SLC35F4: variants seen among roughly 807,000 people sequenced by gnomAD.
SLC35F4 encodes chromosome 14 open reading frame 36.
SLC35F4 carries 24 observed loss-of-function variants against 44.2 expected under a neutral mutation model. The observed-to-expected ratio is 0.54, with a 90% CI of 0.39 to 0.76. The LOEUF (loss-of-function observed/expected upper bound fraction) is 0.76, where lower values mean the gene tolerates loss of function less well. Among genes scored for constraint, SLC35F4 ranks in the 30% least tolerant of loss-of-function variants. The pLI, the probability that SLC35F4 is intolerant of heterozygous loss-of-function variation, is 0.00. For missense variants in SLC35F4, 562 were observed against 586.1 expected (o/e 0.96, Z 0.42); for synonymous variants, 238 against 223.6 (o/e 1.06, Z -0.57).
At chr14:57,682,001 G>T (rs938711694) in intron 1 of SLC35F4, among the ~76,000 whole-genome samples, 1 of 152,328 alleles carries the variant, frequency 6.6e-6, no homozygotes, top group African/African-American at 2.4e-5. Context: ...AACAACAGAT[G>T]CTGGTGAGGA....
intron 1 of SLC35F4, among the ~76,000 whole-genome samples, chr14:57,928,863 A>C (rs991968613): frequency 6.6e-6 from 1 of 152,248 alleles, no homozygotes; most frequent in Non-Finnish European, 1.5e-5. Flanking sequence ...GAAGAAGAAG[A>C]ACCAAATGGA....
At chr14:57,887,544 T>C (rs28461784) in intron 1 of SLC35F4, among the ~76,000 whole-genome samples, 5,757 of 152,224 alleles carry the variant, frequency 0.038, 390 homozygotes, top group African/African-American at 0.13. Context: ...CAACCTTCCT[T>C]TGAGTGACGA....
At chr14:57,738,283 G>C (rs2076514904) in intron 1 of SLC35F4, among the ~76,000 whole-genome samples, 1 of 152,166 alleles carries the variant, frequency 6.6e-6, no homozygotes, top group African/African-American at 2.4e-5. Context: ...CAGACAGAAA[G>C]CAAAATGGCC....
intron 1 of SLC35F4, among the ~76,000 whole-genome samples, chr14:57,952,702 A>G (rs1482065361): frequency 6.6e-6 from 1 of 151,952 alleles, no homozygotes; most frequent in Non-Finnish European, 1.5e-5. Context: ...TTGAAGATCA[A>G]CTTAATGAAA....
chr14:57,921,291 G>C (rs1342240453), intron 1 of SLC35F4, among the ~76,000 whole-genome samples: 1 of 152,200 alleles, frequency 6.6e-6, no homozygotes, highest in African/African-American at 2.4e-5. Context: ...AGGCAGGAAA[G>C]GGCAGGGCAG....
chr14:57,565,791 T>G (rs1278471711), intron 7 of SLC35F4, among the ~76,000 whole-genome samples: 2 of 152,226 alleles, frequency 1.3e-5, no homozygotes, highest in South Asian at 2.1e-4. Context: ...TTTTCTTTTT[T>G]GCTGCCCTGA....
intron 1 of SLC35F4, among the ~76,000 whole-genome samples, chr14:57,918,866 G>C (rs146772726): frequency 7.0e-4 from 106 of 152,292 alleles, no homozygotes; most frequent in African/African-American, 2.4e-3. Flanking sequence ...GGTTAAGTAA[G>C]TTAACACCAT....
chr14:57,806,520 A>C (rs1804726305), intron 1 of SLC35F4, among the ~76,000 whole-genome samples: 3 of 152,146 alleles, frequency 2.0e-5, no homozygotes, highest in South Asian at 4.1e-4. Flanking sequence ...ATAAATTGTA[A>C]ATTTTGTAAT....
intron 1 of SLC35F4, among the ~76,000 whole-genome samples, chr14:57,698,078 T>A (rs144002314): frequency 2.0e-4 from 31 of 152,310 alleles, no homozygotes; most frequent in Non-Finnish European, 3.4e-4. Flanking sequence ...ACAGCACCTA[T>A]CTCATAGAGA....
Position 57,564,173 on chromosome 14 carries a change from C to T in SLC35F4, c.1420G>A (p.Gly474Ser). The T allele has an allele frequency of 1.2e-6, 2 of 1,613,692 alleles. No homozygotes were observed. The highest frequency in any genetic ancestry group is 1.7e-6 in the Non-Finnish European group (2 of 1,179,792). The part of the protein sequence containing the change: ...TDPSIHLRGR[G>S]RANGTVSIPL... ...ATAGACACTGTCCCATTGGCTCTGC[C>T]TCTGCCCCGCAGGTGTATGCTGGGA... Residue 474 changes from glycine (G) to serine (S), a missense_variant, in exon 8 of 8, where the codon GGC becomes AGC. Gly to Ser is a moderately conservative substitution (Grantham distance 56, BLOSUM62 0). Transcript: ENST00000556826.
chr14:57,982,002 A>G (rs1430464966), exon 1 of SLC35F4: 15 of 152,120 alleles, frequency 9.9e-5, no homozygotes, highest in Admixed American at 9.8e-4. Flanking sequence ...TTGAGCTTCC[A>G]CCACCTGTCA....
intron 1 of SLC35F4, among the ~76,000 whole-genome samples, chr14:57,895,920 A>G (rs1888859968): frequency 1.3e-5 from 2 of 152,110 alleles, no homozygotes; most frequent in Non-Finnish European, 2.9e-5. Context: ...AATCACACTG[A>G]TGGAAGGTAG....
At chr14:57,943,129 G>C (rs1454435097) in intron 1 of SLC35F4, among the ~76,000 whole-genome samples, 1 of 152,218 alleles carries the variant, frequency 6.6e-6, no homozygotes, top group African/African-American at 2.4e-5. Context: ...TTTTGCTGAA[G>C]AGATCTGGGC....
chr14:57,865,060 C>A (rs1025633132), intron 1 of SLC35F4, among the ~76,000 whole-genome samples: 5 of 3,808 alleles, frequency 1.3e-3, no homozygotes, highest in African/African-American at 3.1e-3. Flanking sequence ...CTTCTCAGAC[C>A]CCCCCCCCCC....
At chr14:57,750,825 T>C (rs1748689498) in intron 1 of SLC35F4, among the ~76,000 whole-genome samples, 1 of 152,206 alleles carries the variant, frequency 6.6e-6, no homozygotes, top group African/African-American at 2.4e-5. Flanking sequence ...AAATATTTTC[T>C]CCCATTCTGT....
At chr14:57,712,252 C>T (rs1488846981) in intron 1 of SLC35F4, among the ~76,000 whole-genome samples, 4 of 151,998 alleles carry the variant, frequency 2.6e-5, no homozygotes, top group African/African-American at 9.7e-5. Flanking sequence ...ATCTTGAAGC[C>T]AAATCACAAC....
chr14:57,690,626 C>T (rs1461280542), intron 1 of SLC35F4, among the ~76,000 whole-genome samples: 1 of 151,836 alleles, frequency 6.6e-6, no homozygotes, highest in Non-Finnish European at 1.5e-5. Flanking sequence ...CTGTAATATA[C>T]AAAAAATATA....
At chr14:57,645,535 GT>G (rs2073465418) in intron 1 of SLC35F4, among the ~76,000 whole-genome samples, 3 of 151,902 alleles carry the variant, frequency 2.0e-5, no homozygotes, top group Non-Finnish European at 4.4e-5. Context: ...AGATGATGGG[GT>G]TTTCTAGATA....
At chr14:57,587,170 G>T (rs1251562353) in intron 3 of SLC35F4, among the ~76,000 whole-genome samples, 1 of 152,212 alleles carries the variant, frequency 6.6e-6, no homozygotes, top group Non-Finnish European at 1.5e-5. Context: ...CTACACTGTT[G>T]GTGGGCGTGT....
Sources: gnomAD v4.1 joint callset for allele counts (sites outside exome capture counted in the v4.1 genomes callset) on GRCh38, gnomAD v4.1.1 for gene constraint, MANE v1.5 for transcripts, NCBI Gene and HGNC (gene_info 2026-07-23, HGNC 2026-07-21) for gene names.